ATXN7: variants seen among roughly 807,000 people sequenced by gnomAD.
The protein encoded by ATXN7 is ataxin-7.
In ATXN7, 12 loss-of-function variants were observed where a neutral mutation model predicts 70.5. That is an observed-to-expected ratio of 0.17 (90% CI 0.11 to 0.28). ATXN7 has a LOEUF of 0.28. Among genes scored for constraint, ATXN7 ranks in the 10% least tolerant of loss-of-function variants. ATXN7 has a pLI of 1.00. For missense variants in ATXN7, 1,256 were observed against 1,131.7 expected (o/e 1.11, Z -1.58); for synonymous variants, 498 against 448.7 (o/e 1.11, Z -1.39).
At chr3:63,879,128 A>T (rs183816423) in intron 1 of ATXN7, among the ~76,000 whole-genome samples, 13 of 152,290 alleles carry the variant, frequency 8.5e-5, no homozygotes, top group Admixed American at 5.2e-4. Flanking sequence ...TCATCTCCTG[A>T]AATCCCAAAA....
chr3:63,953,176 G>A (rs1393173644), intron 5 of ATXN7, among the ~76,000 whole-genome samples: 1 of 152,014 alleles, frequency 6.6e-6, no homozygotes, highest in Non-Finnish European at 1.5e-5. Context: ...TTTCCTCATT[G>A]CTCTTACTAC....
intron 1 of ATXN7, among the ~76,000 whole-genome samples, chr3:63,868,967 T>C (rs1388875091): frequency 1.3e-5 from 2 of 152,292 alleles, no homozygotes; most frequent in Non-Finnish European, 1.5e-5. Context: ...TAGGAAAGGG[T>C]CTGGCAGGAC....
intron 5 of ATXN7, among the ~76,000 whole-genome samples, chr3:63,957,159 A>G (rs35594892): frequency 0.038 from 5,783 of 152,308 alleles, 147 homozygotes; most frequent in Non-Finnish European, 0.055. Flanking sequence ...GAGTTTGCTT[A>G]TGAAGAATAC....
intron 5 of ATXN7, among the ~76,000 whole-genome samples, chr3:63,955,129 A>G (rs1345177023): frequency 1.3e-5 from 2 of 152,220 alleles, no homozygotes; most frequent in Admixed American, 6.5e-5. Context: ...AACTTCAAAC[A>G]TGTAAATGGG....
intron 4 of ATXN7, among the ~76,000 whole-genome samples, chr3:63,919,058 G>C (rs899210206): frequency 6.6e-6 from 1 of 152,136 alleles, no homozygotes; most frequent in Non-Finnish European, 1.5e-5. Context: ...CTGTAGCAGG[G>C]ACTTTTCCCC....
At chr3:63,914,110 A>G (rs1224959483) in intron 4 of ATXN7, among the ~76,000 whole-genome samples, 11 of 152,222 alleles carry the variant, frequency 7.2e-5, no homozygotes, top group Admixed American at 7.2e-4. Flanking sequence ...TACTGAGTTT[A>G]TAGTCCCCGA....
intron 4 of ATXN7, among the ~76,000 whole-genome samples, chr3:63,947,940 G>T (rs1181977295): frequency 6.6e-6 from 1 of 152,146 alleles, no homozygotes; most frequent in Non-Finnish European, 1.5e-5. Context: ...GGATGAGAGG[G>T]AAGTGCAGGT....
At chr3:63,929,217 G>A (rs1307004811) in intron 4 of ATXN7, among the ~76,000 whole-genome samples, 3 of 151,236 alleles carry the variant, frequency 2.0e-5, no homozygotes, top group South Asian at 2.1e-4. Context: ...AATAATGCAT[G>A]GAAATCATTG....
At position 63,913,160 on chromosome 3, in the gene ATXN7, C is replaced by G; in HGVS notation, c.329C>G (p.Thr110Arg). 6.2e-7 allele frequency: 1 copy of G among 1,613,652 alleles called. No individual in the cohort carries two copies. The highest frequency in any genetic ancestry group is 8.5e-7 in the Non-Finnish European group (1 of 1,179,826). Residue 110 changes from threonine to arginine, a missense_variant, in exon 4 of 13, where the codon ACA becomes AGA. Thr to Arg is a moderately conservative substitution (Grantham distance 71). Transcript: ENST00000674280. ...CCTGTGTGTGTATATCTCCTAGGGA[C>G]AGAATTGGACGAAAGTTTCAAGGAG... ...EASKLPGKDG[T>R]ELDESFKEFG... is the part of the protein sequence containing the mutation.
chr3:63,977,479 G>A (rs1213258787), intron 5 of ATXN7, among the ~76,000 whole-genome samples: 1 of 152,132 alleles, frequency 6.6e-6, no homozygotes, highest in Non-Finnish European at 1.5e-5. Context: ...CAGACATGCT[G>A]TTCCTTTAGT....
intron 5 of ATXN7, among the ~76,000 whole-genome samples, chr3:63,954,256 G>A (rs559711226): frequency 2.0e-5 from 3 of 152,296 alleles, no homozygotes; most frequent in South Asian, 2.1e-4. Flanking sequence ...GATAGACAGA[G>A]CTGCCACATA....
At chr3:63,928,475 A>G (rs1448806521) in intron 4 of ATXN7, among the ~76,000 whole-genome samples, 1 of 152,154 alleles carries the variant, frequency 6.6e-6, no homozygotes, top group African/African-American at 2.4e-5. Flanking sequence ...CATCTTAGAC[A>G]ATACCTGGTA....
intron 5 of ATXN7, among the ~76,000 whole-genome samples, chr3:63,973,923 T>C (rs2075353712): frequency 6.6e-6 from 1 of 151,940 alleles, no homozygotes; most frequent in African/African-American, 2.4e-5. Context: ...AAAAACCAAT[T>C]TGGAAAGGGT....
intron 1 of ATXN7, among the ~76,000 whole-genome samples, chr3:63,895,915 C>CT (rs919830599): frequency 1.3e-5 from 2 of 152,118 alleles, no homozygotes; most frequent in Non-Finnish European, 2.9e-5. Flanking sequence ...TCTTTGCTGA[C>CT]TGTCTTTTTC....
At chr3:63,999,184 C>T (rs1196226701) in intron 12 of ATXN7, 11 of 407,964 alleles carry the variant, frequency 2.7e-5, no homozygotes, top group Non-Finnish European at 4.9e-5. Context: ...ACATAAGAGC[C>T]TTTTCTCTAA....
intron 1 of ATXN7, among the ~76,000 whole-genome samples, chr3:63,877,396 A>C (rs1702778132): frequency 6.6e-6 from 1 of 152,212 alleles, no homozygotes; most frequent in South Asian, 2.1e-4. Context: ...ATACTTTGAA[A>C]TGCATGCTTA....
intron 5 of ATXN7, among the ~76,000 whole-genome samples, chr3:63,964,393 CTA>C (rs1432418767): frequency 6.6e-6 from 1 of 152,140 alleles, no homozygotes; most frequent in Non-Finnish European, 1.5e-5. Context: ...CAAGGAAAAA[CTA>C]TGGCCAGTTT....
At chr3:63,906,110 A>C (rs561813362) in intron 2 of ATXN7, among the ~76,000 whole-genome samples, 2 of 152,190 alleles carry the variant, frequency 1.3e-5, no homozygotes, top group Non-Finnish European at 2.9e-5. Context: ...AAATAGTTAA[A>C]TCTGCAGGCC....
At chr3:63,919,947 C>T (rs1704442579) in intron 4 of ATXN7, among the ~76,000 whole-genome samples, 1 of 151,954 alleles carries the variant, frequency 6.6e-6, no homozygotes, top group Admixed American at 6.6e-5. Context: ...CCAGAACTTT[C>T]ATGGAATTTC....
Sources: allele counts gnomAD v4.1 joint callset (sites outside exome capture counted in the v4.1 genomes callset), GRCh38; gene constraint gnomAD v4.1.1; transcripts MANE v1.5; gene names NCBI Gene and HGNC (gene_info 2026-07-23, HGNC 2026-07-21).